The following GNAS-AS1 variants were observed in gnomAD, a reference collection of about 807,000 sequenced individuals.
GNAS-AS1 encodes GNAS antisense RNA 1.
intron 4 of GNAS-AS1, among the ~76,000 whole-genome samples, chr20:58,822,342 G>A (rs1326863739): frequency 1.3e-5 from 2 of 152,210 alleles, no homozygotes; most frequent in Non-Finnish European, 2.9e-5. Flanking sequence ...AGAGATGAGT[G>A]ACAGGCACAA....
intron 4 of GNAS-AS1, chr20:58,839,014 A>G: frequency 2.5e-6 from 1 of 398,170 alleles, no homozygotes; most frequent in Non-Finnish European, 4.4e-6. Flanking sequence ...CGCAGGAGAG[A>G]AGTGGTTGTG....
rs574518444 is a variant in GNAS-AS1, at chr20:58,827,839, T to C, written n.820-8584A>G. Among the ~76,000 whole-genome samples, 5 of 152,368 alleles carry C rather than the reference T, an allele frequency of 3.3e-5. No individual in the cohort carries two copies. In the South Asian group the frequency reaches 8.3e-4, roughly 25 times the overall value. ...GATTTGAGAGGTGATGTATGAAAAC[T>C]GTGGCTGGTGCAGGGTCATCAAAGC... On this transcript the variant is annotated intron_variant and non_coding_transcript_variant, in intron 4 of 4. Transcript: ENST00000424094.
chr20:58,850,435 CT>C (rs1398978535), intron 1 of GNAS-AS1: 1 of 397,690 alleles, frequency 2.5e-6, no homozygotes, highest in Non-Finnish European at 4.4e-6. Flanking sequence ...ACAAATGGTA[CT>C]TTGGGGGTGA....
intron 4 of GNAS-AS1, among the ~76,000 whole-genome samples, chr20:58,824,726 A>G (rs1035001239): frequency 1.2e-4 from 19 of 152,200 alleles, no homozygotes; most frequent in African/African-American, 4.6e-4. Context: ...CAAATGCAGA[A>G]GCTGAGTTTA....
intron 4 of GNAS-AS1, among the ~76,000 whole-genome samples, chr20:58,832,796 G>A: frequency 6.6e-6 from 1 of 152,200 alleles, no homozygotes; most frequent in East Asian, 1.9e-4. Flanking sequence ...AATTTACGAA[G>A]TGACAAGATG....
chr20:58,847,332 A>C (rs1431472038), intron 2 of GNAS-AS1, among the ~76,000 whole-genome samples: 1 of 152,060 alleles, frequency 6.6e-6, no homozygotes, highest in Non-Finnish European at 1.5e-5. Flanking sequence ...CATTTGCTTC[A>C]AACAGCCTGG....
chr20:58,844,567 G>A (rs2085869045), intron 2 of GNAS-AS1, among the ~76,000 whole-genome samples: 1 of 152,108 alleles, frequency 6.6e-6, no homozygotes, highest in African/African-American at 2.4e-5. Context: ...CTCTGCCTCA[G>A]TTTCTTCTAA....
At chr20:58,825,592 T>C (rs1045131461) in intron 4 of GNAS-AS1, among the ~76,000 whole-genome samples, 19 of 152,230 alleles carry the variant, frequency 1.2e-4, no homozygotes, top group African/African-American at 4.6e-4. Flanking sequence ...GAGAGAAGTG[T>C]GAAGTGCAGT....
rs193160248 is a variant in GNAS-AS1, at chr20:58,849,770, T to G, written n.374+760A>C. On this transcript the variant is annotated intron_variant and non_coding_transcript_variant, in intron 1 of 4. Coordinates refer to ENST00000424094, the Ensembl canonical transcript of GNAS-AS1. The stretch of plus-strand genomic sequence containing the variant: ...GAGTGCCGTCCTTCAGCCTTCCTGC[T>G]TCCTTCACCGTGCTAGGTCTCTCCT... 8.5e-5 allele frequency among the ~76,000 whole-genome samples: 13 copies of G among 152,324 alleles called. No individual in the cohort carries two copies. The East Asian group carries it at 2.5e-3, about 29-fold the overall frequency.
intron 4 of GNAS-AS1, chr20:58,834,267 G>A (rs1191935889): frequency 6.6e-6 from 1 of 152,366 alleles, no homozygotes; most frequent in Non-Finnish European, 1.5e-5. Context: ...GAGCTTTCCT[G>A]ACGGTTGAGT....
chr20:58,839,685 A>G lies in GNAS-AS1; in HGVS notation n.819+2252T>C, dbSNP rs1392378707. The G allele has an allele frequency of 8.6e-6, 4 of 465,502 alleles. No homozygotes were observed. In the East Asian group the frequency reaches 1.3e-4, roughly 15 times the overall value. The allele number at this position is 465,502 out of a possible 1,614,324, so 28.8% of individuals were successfully genotyped here. A position where few individuals can be genotyped will look rare whatever the true frequency, so the allele number is the denominator to read the frequency against. On this transcript the variant is annotated intron_variant and non_coding_transcript_variant, in intron 4 of 4. Coordinates refer to ENST00000424094, the Ensembl canonical transcript of GNAS-AS1. ...GGTGGCCCCCACCTCCTTACTGCAC[A>G]TGCCCGGCAGAAGTCCGGGCGCGCA...
intron 4 of GNAS-AS1, among the ~76,000 whole-genome samples, chr20:58,828,477 A>T (rs895638602): frequency 6.6e-6 from 1 of 152,184 alleles, no homozygotes; most frequent in Non-Finnish European, 1.5e-5. Flanking sequence ...GACTAGAAAA[A>T]TTCAGTCTAA....
At chr20:58,842,634 T>G (rs556845572) in intron 2 of GNAS-AS1, 1 of 397,134 alleles carries the variant, frequency 2.5e-6, no homozygotes, top group South Asian at 1.4e-4. Context: ...GCGGAAGGGC[T>G]AGGCGTGCCC....
intron 4 of GNAS-AS1, among the ~76,000 whole-genome samples, chr20:58,832,196 C>T (rs1301734664): frequency 1.3e-5 from 2 of 151,990 alleles, no homozygotes; most frequent in Non-Finnish European, 2.9e-5. Context: ...TGCCCACTCA[C>T]AATGCAACAA....
intron 4 of GNAS-AS1, among the ~76,000 whole-genome samples, chr20:58,832,279 A>G (rs753455545): frequency 1.3e-5 from 2 of 152,246 alleles, no homozygotes; most frequent in Non-Finnish European, 2.9e-5. Context: ...TTAAAATTAC[A>G]TGAAGAAAAC....
chr20:58,840,986 A>G lies in GNAS-AS1; in HGVS notation n.819+951T>C. 2 of 1,293,408 alleles carry G rather than the reference A, an allele frequency of 1.5e-6. No individual in the cohort carries two copies. The highest frequency in any genetic ancestry group is 2.2e-6 in the Non-Finnish European group (2 of 917,512). 80.1% of individuals were successfully genotyped at this position (1,293,408 alleles called of 1,614,324 possible). Reference sequence around the variant, plus strand: ...GAAAGGCAGGTCAGGGGCGAGTGGGAAGAGAGGAGGCTCAGCTGGTCAGCC... The same window carrying G: ...GAAAGGCAGGTCAGGGGCGAGTGGGGAGAGAGGAGGCTCAGCTGGTCAGCC... On this transcript the variant is annotated intron_variant and non_coding_transcript_variant, in intron 4 of 4. Transcript: ENST00000424094. This position sits in a 1 kb window ranked among gnomAD's most constrained non-coding sequence, Gnocchi z 6.0.
chr20:58,820,654 G>A (rs1482136047), intron 4 of GNAS-AS1, among the ~76,000 whole-genome samples: 1 of 152,252 alleles, frequency 6.6e-6, no homozygotes, highest in East Asian at 1.9e-4. Context: ...TGGACTTACA[G>A]TTCCATGTGA....
rs79799380 is a variant in GNAS-AS1, at chr20:58,832,237, T to C, written n.819+9700A>G. On this transcript the variant is annotated intron_variant and non_coding_transcript_variant, in intron 4 of 4. Transcript: ENST00000424094. The stretch of plus-strand genomic sequence containing the variant: ...TCTAATACTTGGGAAATATATGATA[T>C]ATATTCACATATCAAACTCACATAG... 5.7e-3 allele frequency among the ~76,000 whole-genome samples: 872 copies of C among 152,266 alleles called. 10 individuals are homozygous for C. Among genetic ancestry groups the C allele is most frequent in the African/African-American group, 0.02 (816 of 41,536 alleles).
chr20:58,819,392 T>A (rs552976058), intron 4 of GNAS-AS1: 4 of 397,524 alleles, frequency 1.0e-5, no homozygotes, highest in South Asian at 1.4e-4. Context: ...GATATCTTGC[T>A]TCCAACGGCC....
Sources: allele counts gnomAD v4.1 joint callset (sites outside exome capture counted in the v4.1 genomes callset), GRCh38; gene constraint gnomAD v4.1.1; non-coding constraint Gnocchi (gnomAD v3.1); transcripts MANE v1.5; gene names NCBI Gene and HGNC (gene_info 2026-07-23, HGNC 2026-07-21).